Variants in ZNF536 observed in about 807,000 individuals in gnomAD.
ZNF536 encodes the protein zinc finger protein 536.
In ZNF536, 13 loss-of-function variants were observed where a neutral mutation model predicts 84.5. The observed-to-expected ratio is 0.15, with a 90% CI of 0.10 to 0.24. The LOEUF (loss-of-function observed/expected upper bound fraction) is 0.24. Among genes scored for constraint, ZNF536 ranks in the 10% least tolerant of loss-of-function variants. The pLI, the probability that ZNF536 is intolerant of heterozygous loss-of-function variation, is 1.00. For synonymous variants in ZNF536, 811 were observed against 742.5 expected, an observed-to-expected ratio of 1.09 and a Z score of -1.50; for missense variants, 1,536 against 1,747.5, an observed-to-expected ratio of 0.88 and a Z score of 2.16.
chr19:30,486,790 T>C (rs1052397130), intron 2 of ZNF536, among the ~76,000 whole-genome samples: 1 of 152,158 alleles, frequency 6.6e-6, no homozygotes, highest in African/African-American at 2.4e-5. Context: ...TACATGTATT[T>C]TCTATAATAA....
chr19:30,425,109 T>C (rs1014142392), intron 1 of ZNF536, among the ~76,000 whole-genome samples: 2 of 150,608 alleles, frequency 1.3e-5, no homozygotes, highest in African/African-American at 4.9e-5. Flanking sequence ...AGGAAAGGGG[T>C]GAGGGATAAA....
At chr19:30,633,455 A>T (rs980835402) in intron 1 of ZNF536, among the ~76,000 whole-genome samples, 18 of 152,212 alleles carry the variant, frequency 1.2e-4, no homozygotes, top group African/African-American at 4.1e-4. Context: ...ATTGAAATGT[A>T]ACAAACTCAA....
chr19:30,630,894 A>G (rs1207726743), intron 1 of ZNF536, among the ~76,000 whole-genome samples: 1 of 152,252 alleles, frequency 6.6e-6, no homozygotes, highest in African/African-American at 2.4e-5. Flanking sequence ...CAGATAACAG[A>G]TGCAGACCAG....
chr19:30,643,548 T>A (rs962897167), intron 1 of ZNF536, among the ~76,000 whole-genome samples: 1 of 152,220 alleles, frequency 6.6e-6, no homozygotes, highest in Non-Finnish European at 1.5e-5. Context: ...TGATTCTCAA[T>A]GACTGATTTC....
intron 1 of ZNF536, among the ~76,000 whole-genome samples, chr19:30,708,058 G>A (rs1416999252): frequency 1.3e-5 from 2 of 149,722 alleles, no homozygotes; most frequent in Non-Finnish European, 3.0e-5. Context: ...CTTAGAAAAA[G>A]GCAAGGTGAT....
At chr19:30,688,874 C>T (rs1008234548) in intron 1 of ZNF536, among the ~76,000 whole-genome samples, 2 of 152,184 alleles carry the variant, frequency 1.3e-5, no homozygotes, top group South Asian at 2.1e-4. Flanking sequence ...CTCCTGGTAG[C>T]GCTCTGGGCT....
At chr19:30,410,203 T>G (rs2050421635) in intron 1 of ZNF536, among the ~76,000 whole-genome samples, 1 of 152,120 alleles carries the variant, frequency 6.6e-6, no homozygotes, top group East Asian at 1.9e-4. Context: ...TAAATTCACC[T>G]TAAGTATTTA....
At chr19:30,473,218 G>C (rs202226306) in intron 2 of ZNF536, among the ~76,000 whole-genome samples, 1 of 150,634 alleles carries the variant, frequency 6.6e-6, no homozygotes, top group African/African-American at 2.4e-5. Flanking sequence ...AATAATAATA[G>C]TAATAATAAT....
chr19:30,450,075 A>AT (rs34039352), intron 2 of ZNF536, among the ~76,000 whole-genome samples: 6,092 of 131,818 alleles, frequency 0.046, 188 homozygotes, highest in Middle Eastern at 0.11. Context: ...TAAGATCTTC[A>AT]TTTTTTTTTT....
intron 1 of ZNF536, among the ~76,000 whole-genome samples, chr19:30,594,935 G>T (rs941877565): frequency 6.6e-6 from 1 of 152,120 alleles, no homozygotes; most frequent in Non-Finnish European, 1.5e-5. Context: ...ACCCAGGGGA[G>T]CCATGCCTGT....
At position 30,557,220 on chromosome 19, in the gene ZNF536, G is replaced by A. The variant is rs562226601; in HGVS notation, c.*56G>A. ...TTGCCCTTGTCTGTTCGTGGTCCTC[G>A]GTGGTTATCTGCAGCTTGTTAATCG... On this transcript the variant is annotated 3_prime_UTR_variant, in exon 5 of 5. Transcript: ENST00000355537. 77 of 1,598,316 alleles carry A rather than the reference G, an allele frequency of 4.8e-5. No individual in the cohort carries two copies. The highest frequency in any genetic ancestry group is 6.0e-5 in the Non-Finnish European group (70 of 1,167,044).
At chr19:30,488,945 A>G (rs1197628635) in intron 2 of ZNF536, among the ~76,000 whole-genome samples, 1 of 152,212 alleles carries the variant, frequency 6.6e-6, no homozygotes, top group East Asian at 1.9e-4. Flanking sequence ...CCGAAGCATT[A>G]GAGTCTCTTT....
At chr19:30,486,901 A>T (rs1293882645) in intron 2 of ZNF536, among the ~76,000 whole-genome samples, 1 of 152,232 alleles carries the variant, frequency 6.6e-6, no homozygotes, top group African/African-American at 2.4e-5. Flanking sequence ...TCACCTAAGG[A>T]GGGAATAAAA....
chr19:30,275,607 G>T (rs1019364909), intron 1 of ZNF536, among the ~76,000 whole-genome samples: 6 of 152,130 alleles, frequency 3.9e-5, no homozygotes, highest in Non-Finnish European at 8.8e-5. Context: ...TTCACACCCT[G>T]GGTCCCCATC....
chr19:30,554,618 G>A (rs1367085155), intron 4 of ZNF536: 1 of 152,156 alleles, frequency 6.6e-6, no homozygotes, highest in Non-Finnish European at 1.5e-5. Context: ...TTCTTAAAGG[G>A]CCAGAGAATA....
intron 1 of ZNF536, among the ~76,000 whole-genome samples, chr19:30,392,629 G>C (rs1198637549): frequency 6.6e-6 from 1 of 152,152 alleles, no homozygotes; most frequent in Non-Finnish European, 1.5e-5. Context: ...TCTGTTCTTA[G>C]AAGTACATCA....
intron 2 of ZNF536, among the ~76,000 whole-genome samples, chr19:30,509,434 G>A (rs2055319802): frequency 6.8e-6 from 1 of 147,082 alleles, no homozygotes; most frequent in South Asian, 2.1e-4. Context: ...AATATATAAT[G>A]TATGCATAGT....
chr19:30,388,322 CA>C (rs909567879), intron 1 of ZNF536, among the ~76,000 whole-genome samples: 1 of 152,176 alleles, frequency 6.6e-6, no homozygotes, highest in Non-Finnish European at 1.5e-5. Flanking sequence ...TTGCCTAAAT[CA>C]AGTTAGATCT....
Position 30,266,241 on chromosome 19 carries a change from G to A in ZNF536, c.-189-17831G>A, listed in dbSNP as rs190137218. ...TTTTTAATTTTTTTTGTAGAGAGGGGGTCTCACTTTGTTGCCCAGGTTGGT... is the reference window on the plus strand; with the variant it reads ...TTTTTAATTTTTTTTGTAGAGAGGGAGTCTCACTTTGTTGCCCAGGTTGGT... On this transcript the variant is annotated intron_variant, in intron 1 of 5. Coordinates refer to the ZNF536 transcript ENST00000585628. Among the ~76,000 whole-genome samples the A allele has an allele frequency of 2.0e-5, 3 of 152,032 alleles. No homozygotes were observed. The East Asian group carries it at 5.8e-4, about 30-fold the overall frequency.
Sources: allele counts gnomAD v4.1 joint callset (sites outside exome capture counted in the v4.1 genomes callset), GRCh38; gene constraint gnomAD v4.1.1; transcripts MANE v1.5; gene names NCBI Gene and HGNC (gene_info 2026-07-23, HGNC 2026-07-21).